Variants in RNF130 observed in about 807,000 individuals in gnomAD.
RNF130 encodes ring finger protein 130.
RNF130 carries 21 observed loss-of-function variants against 44.6 expected under a neutral mutation model. The ratio of observed to expected loss-of-function variants is 0.47; its 90% CI spans 0.33 to 0.68. The LOEUF is 0.68. Among genes scored for constraint, RNF130 ranks in the 30% least tolerant of loss-of-function variants. The probability of loss-of-function intolerance (pLI) is 0.02; values close to 1 mark genes in which losing one functional copy is unlikely to be tolerated. For missense variants in RNF130, 479 were observed against 560.6 expected (o/e 0.85, Z 1.47); for synonymous variants, 214 against 210.4 (o/e 1.02, Z -0.15).
chr5:179,992,290 CGCCACCAT>C (rs1290041112), intron 3 of RNF130, among the ~76,000 whole-genome samples: 1 of 152,078 alleles, frequency 6.6e-6, no homozygotes, highest in East Asian at 1.9e-4. Flanking sequence ...TACAGGCACC[CGCCACCAT>C]GCCCGGCTAA....
intron 1 of RNF130, among the ~76,000 whole-genome samples, chr5:180,062,359 C>A (rs1050538968): frequency 1.3e-5 from 2 of 151,678 alleles, no homozygotes; most frequent in African/African-American, 4.8e-5. Flanking sequence ...TGAGCCCGGT[C>A]CCCCCAGCCT....
chr5:180,007,955 G>A (rs887410287), intron 3 of RNF130, among the ~76,000 whole-genome samples: 4 of 143,714 alleles, frequency 2.8e-5, no homozygotes, highest in African/African-American at 7.7e-5. Flanking sequence ...TCAGTGTTTC[G>A]TATGTCAACA....
At chr5:179,928,016 G>A (rs1197250118) in intron 7 of RNF130, among the ~76,000 whole-genome samples, 1 of 152,170 alleles carries the variant, frequency 6.6e-6, no homozygotes, top group Admixed American at 6.6e-5. Context: ...AGGGAATATA[G>A]CAACAGTTCC....
intron 6 of RNF130, among the ~76,000 whole-genome samples, chr5:179,967,373 T>C (rs1002719848): frequency 3.3e-5 from 5 of 152,252 alleles, no homozygotes; most frequent in Non-Finnish European, 7.3e-5. Context: ...AATGTCCATG[T>C]TGAAGAATCC....
Position 180,071,637 on chromosome 5 carries a change from C to T in RNF130, c.66G>A (p.Leu22=), listed in dbSNP as rs1256336372. 6.0e-6 allele frequency: 9 copies of T among 1,495,610 alleles called. No individual in the cohort carries two copies. The highest frequency in any genetic ancestry group is 3.6e-4 in the Middle Eastern group (2 of 5,542). 92.6% of individuals were successfully genotyped at this position (1,495,610 alleles called of 1,614,324 possible). ...LAALALLTCS[L]WPARADNASQ... ...TCGCGTTGTCTGCCCGTGCCGGCCA[C>T]AGGCTGCAGGTCAGCAGGGCGAGCG... Residue 22 remains leucine, a synonymous_variant, in exon 1 of 9, where the codon CTG becomes CTA. Transcript: ENST00000521389.
At chr5:179,972,055 C>T (rs1249638879) in intron 5 of RNF130, among the ~76,000 whole-genome samples, 1 of 152,114 alleles carries the variant, frequency 6.6e-6, no homozygotes. Flanking sequence ...GCTGGAAACC[C>T]ACCAATCCAT....
chr5:179,946,748 G>A (rs1425749435), intron 7 of RNF130, among the ~76,000 whole-genome samples: 1 of 152,028 alleles, frequency 6.6e-6, no homozygotes, highest in East Asian at 1.9e-4. Flanking sequence ...TAGAGACGGG[G>A]CTTCACCGTG....
chr5:179,959,805 G>C (rs906375540), intron 8 of RNF130, among the ~76,000 whole-genome samples: 1 of 152,200 alleles, frequency 6.6e-6, no homozygotes, highest in Non-Finnish European at 1.5e-5. Context: ...AGGGCTTCCT[G>C]ATCTCCGGTC....
intron 7 of RNF130, among the ~76,000 whole-genome samples, chr5:179,945,994 A>C (rs563178695): frequency 1.3e-5 from 2 of 152,352 alleles, no homozygotes; most frequent in South Asian, 4.1e-4. Flanking sequence ...GCTGTGAGTG[A>C]CAGAAGCATA....
In RNF130 at chr5:179,970,424, C is replaced by T. The variant is rs753225507; in HGVS notation, c.931G>A (p.Ala311Thr). The T allele has an allele frequency of 1.2e-6, 2 of 1,611,212 alleles. No individual in the cohort carries two copies. The highest frequency in any genetic ancestry group is 1.7e-6 in the Non-Finnish European group (2 of 1,178,372). The change falls in exon 6 of 9, where the codon GCC (alanine) becomes ACC (threonine). Residue 311 changes from alanine to threonine, a missense_variant. By Grantham distance (58) the Ala-to-Thr change is moderately conservative. Around this residue, in one of 3 missense-constraint regions of RNF130, gnomAD observed 161 missense variants for 158.6 expected, o/e 1.02. Coordinates refer to ENST00000521389, the MANE Select transcript of RNF130 (RefSeq NM_018434.6). ...CPMCKLNILK[A>T]LGIVPNLPCT... Reference sequence around the variant, plus strand: ...AGGAAACGTACCACAATTCCCAGGGCCTTCAATATATTAAGTTTGCACATA... The same window carrying T: ...AGGAAACGTACCACAATTCCCAGGGTCTTCAATATATTAAGTTTGCACATA...
chr5:180,049,073 G>A (rs1435904143), intron 1 of RNF130, among the ~76,000 whole-genome samples: 1 of 152,188 alleles, frequency 6.6e-6, no homozygotes, highest in East Asian at 1.9e-4. Flanking sequence ...GCAATTAACA[G>A]CTCACTTCAA....
chr5:179,986,118 A>G (rs1183246939), intron 3 of RNF130, among the ~76,000 whole-genome samples: 2 of 152,258 alleles, frequency 1.3e-5, no homozygotes, highest in Admixed American at 6.5e-5. Flanking sequence ...TGGATACTAC[A>G]GGTATGCCTT....
chr5:179,930,250 G>A (rs991412931), intron 7 of RNF130, among the ~76,000 whole-genome samples: 1 of 152,058 alleles, frequency 6.6e-6, no homozygotes, highest in Non-Finnish European at 1.5e-5. Flanking sequence ...TAGAGATGGG[G>A]TTTCACCACG....
intron 3 of RNF130, among the ~76,000 whole-genome samples, chr5:179,995,862 T>C (rs1336494999): frequency 9.2e-5 from 14 of 152,258 alleles, no homozygotes; most frequent in Non-Finnish European, 1.8e-4. Flanking sequence ...TATTCCTTCT[T>C]GGATAAAAGT....
At chr5:180,022,711 C>T (rs750871183) in intron 2 of RNF130, among the ~76,000 whole-genome samples, 22 of 152,328 alleles carry the variant, frequency 1.4e-4, no homozygotes, top group Non-Finnish European at 2.2e-4. Flanking sequence ...GCCACGTCTC[C>T]ACAAACCTTT....
chr5:180,014,103 A>C (rs1763659787), intron 2 of RNF130, among the ~76,000 whole-genome samples: 1 of 152,348 alleles, frequency 6.6e-6, no homozygotes, highest in South Asian at 2.1e-4. Flanking sequence ...AGCCTCTAAC[A>C]GTTGTCCAGA....
Position 179,955,501 on chromosome 5 carries a change from C to G in RNF130, c.*153G>C. On this transcript the variant is annotated 3_prime_UTR_variant, in exon 9 of 9. Transcript: ENST00000521389. ...AGACTTTTTATTTTATTATTTATTT[C>G]TTTTAATACAAAGCTTTGGCATTAG... 1.7e-6 allele frequency: 1 copy of G among 577,474 alleles called. No individual in the cohort carries two copies. The highest frequency in any genetic ancestry group is 3.0e-6 in the Non-Finnish European group (1 of 336,178). The allele number at this position is 577,474 out of a possible 1,614,324, so 35.8% of individuals were successfully genotyped here.
chr5:180,017,722 TATG>T (rs1434659583), intron 2 of RNF130, among the ~76,000 whole-genome samples: 1 of 151,802 alleles, frequency 6.6e-6, no homozygotes, highest in African/African-American at 2.4e-5. Context: ...AGTGGGAAAA[TATG>T]ATAATACTGC....
chr5:179,961,386 G>GA (rs1228558887), intron 8 of RNF130, among the ~76,000 whole-genome samples: 1 of 152,166 alleles, frequency 6.6e-6, no homozygotes, highest in Non-Finnish European at 1.5e-5. Flanking sequence ...GAGAAGGGTT[G>GA]AACTAAGTAA....
Sources: gnomAD v4.1 joint callset for allele counts (sites outside exome capture counted in the v4.1 genomes callset) on GRCh38, gnomAD v4.1.1 for gene constraint, gnomAD v4.1.1 regional missense constraint, MANE v1.5 for transcripts, NCBI Gene and HGNC (gene_info 2026-07-23, HGNC 2026-07-21) for gene names.